CPNE4: variants seen among roughly 807,000 people sequenced by gnomAD.
The protein encoded by CPNE4 is copine-4.
A neutral mutation model predicts 67.9 loss-of-function variants in CPNE4; 25 were observed. The observed-to-expected ratio is 0.37, with a 90% CI of 0.27 to 0.51. The LOEUF (loss-of-function observed/expected upper bound fraction) is 0.51, where lower values mean the gene tolerates loss of function less well. Among genes scored for constraint, CPNE4 ranks in the 20% least tolerant of loss-of-function variants. CPNE4 has a pLI of 0.93. For missense variants in CPNE4, 464 were observed against 690.8 expected (o/e 0.67, Z 3.68); for synonymous variants, 242 against 244.9 (o/e 0.99, Z 0.11).
intron 2 of CPNE4, among the ~76,000 whole-genome samples, chr3:131,895,162 T>C (rs1233734823): frequency 6.6e-6 from 1 of 151,910 alleles, no homozygotes; most frequent in East Asian, 1.9e-4. Context: ...TTTAAGAAAG[T>C]TGGTATCATA....
chr3:131,716,263 T>C (rs1012051507), intron 3 of CPNE4, among the ~76,000 whole-genome samples: 3 of 152,086 alleles, frequency 2.0e-5, no homozygotes, highest in African/African-American at 7.2e-5. Flanking sequence ...ACTCTGAATG[T>C]GTGAGTTCCT....
At chr3:131,848,956 CA>C (rs67407668) in intron 2 of CPNE4, among the ~76,000 whole-genome samples, 1,207 of 79,452 alleles carry the variant, frequency 0.015, 10 homozygotes, top group African/African-American at 0.065. Context: ...GTAGTGATTA[CA>C]AAAAAAAAAA....
chr3:131,727,472 A>G (rs376902484), intron 2 of CPNE4, among the ~76,000 whole-genome samples: 1 of 130,100 alleles, frequency 7.7e-6, no homozygotes, highest in Non-Finnish European at 1.7e-5. Flanking sequence ...CTCAAAAAAA[A>G]GAAAAAAAAA....
At chr3:131,619,458 C>A (rs908589387) in intron 7 of CPNE4, among the ~76,000 whole-genome samples, 3 of 152,000 alleles carry the variant, frequency 2.0e-5, no homozygotes, top group African/African-American at 7.3e-5. Flanking sequence ...ACATGAAGGG[C>A]GGTAAGAGAA....
intron 2 of CPNE4, among the ~76,000 whole-genome samples, chr3:131,755,256 G>A (rs1046084222): frequency 6.6e-6 from 1 of 150,652 alleles, no homozygotes; most frequent in Non-Finnish European, 1.5e-5. Flanking sequence ...TAAGGGAGCT[G>A]TGAGTACATA....
intron 2 of CPNE4, among the ~76,000 whole-genome samples, chr3:131,817,162 C>G (rs547969137): frequency 2.4e-3 from 359 of 151,980 alleles, no homozygotes; most frequent in Admixed American, 5.4e-3. Context: ...AGGTCACAAG[C>G]ACTATGGAAA....
intron 2 of CPNE4, among the ~76,000 whole-genome samples, chr3:131,804,027 C>A (rs2084222888): frequency 6.6e-6 from 1 of 152,142 alleles, no homozygotes; most frequent in African/African-American, 2.4e-5. Flanking sequence ...CTATAAATAT[C>A]TAGAGTCAAT....
intron 1 of CPNE4, among the ~76,000 whole-genome samples, chr3:132,006,662 T>TTTTG (rs1553828963): frequency 4.6e-5 from 7 of 151,944 alleles, no homozygotes; most frequent in South Asian, 2.1e-4. Flanking sequence ...TCCATTTTTT[T>TTTTG]TTGTTGTTGT....
intron 14 of CPNE4, 147 bp from the exon 15 acceptor site, chr3:131,542,940 G>A (rs1336034705): frequency 1.6e-6 from 1 of 619,702 alleles, no homozygotes; most frequent in Non-Finnish European, 2.9e-6. Context: ...TGTGCTGATA[G>A]TCCTAAAGGC....
At chr3:131,921,655 T>A (rs924334393) in intron 1 of CPNE4, among the ~76,000 whole-genome samples, 8 of 152,182 alleles carry the variant, frequency 5.3e-5, no homozygotes, top group Non-Finnish European at 1.2e-4. Flanking sequence ...ATCTGCAGAA[T>A]AGAACTAATA....
chr3:131,723,982 G>A (rs2081947630), intron 2 of CPNE4, among the ~76,000 whole-genome samples: 1 of 152,104 alleles, frequency 6.6e-6, no homozygotes, highest in Admixed American at 6.5e-5. Flanking sequence ...AAATTTTTGA[G>A]TACACTGGGT....
chr3:131,656,536 CATCCATCTATCTATCA>C (rs2079972950), intron 7 of CPNE4, among the ~76,000 whole-genome samples: 1 of 152,116 alleles, frequency 6.6e-6, no homozygotes, highest in Non-Finnish European at 1.5e-5. Context: ...TGTATATATC[CATCCATCTATCTATCA>C]ATCCATCTAT....
chr3:131,922,318 G>C (rs569571507), intron 1 of CPNE4, among the ~76,000 whole-genome samples: 2 of 152,100 alleles, frequency 1.3e-5, no homozygotes, highest in African/African-American at 2.4e-5. Flanking sequence ...TATCCAATCC[G>C]CTGTTGATGG....
At chr3:131,736,667 G>C (rs1362835100) in intron 2 of CPNE4, among the ~76,000 whole-genome samples, 1 of 148,744 alleles carries the variant, frequency 6.7e-6, no homozygotes, top group Admixed American at 6.7e-5. Flanking sequence ...TTGAGAGAAA[G>C]CATGGTGGGG....
At chr3:131,623,064 G>T (rs768760484) in intron 7 of CPNE4, among the ~76,000 whole-genome samples, 3 of 152,178 alleles carry the variant, frequency 2.0e-5, no homozygotes, top group Non-Finnish European at 2.9e-5. Context: ...TACAAGGACA[G>T]AGGAGGGGCC....
In CPNE4 at chr3:131,637,348, C is replaced by A. The variant is rs2079416631; in HGVS notation, c.681+32327G>T. The stretch of plus-strand genomic sequence containing the variant: ...TGAAATAGATAGCATAAATAGAAAA[C>A]AACCACAACTTCTGGAAATCAATGA... On this transcript the variant is annotated intron_variant, in intron 7 of 15. Coordinates refer to ENST00000429747, the MANE Select transcript of CPNE4 (RefSeq NM_130808.3). 2.0e-5 allele frequency among the ~76,000 whole-genome samples: 3 copies of A among 152,052 alleles called. No homozygotes were observed. In the South Asian group the frequency reaches 6.2e-4, roughly 31 times the overall value.
At chr3:131,794,565 T>C (rs983816101) in intron 2 of CPNE4, among the ~76,000 whole-genome samples, 1 of 152,180 alleles carries the variant, frequency 6.6e-6, no homozygotes, top group African/African-American at 2.4e-5. Flanking sequence ...TCTAGGGATG[T>C]GGTTGACTTT....
At chr3:131,769,935 C>T (rs1278672035) in intron 2 of CPNE4, among the ~76,000 whole-genome samples, 1 of 152,108 alleles carries the variant, frequency 6.6e-6, no homozygotes, top group Non-Finnish European at 1.5e-5. Flanking sequence ...AATTTATTCT[C>T]AGAATTAAAC....
At chr3:131,897,958 A>T (rs1374449805) in intron 2 of CPNE4, among the ~76,000 whole-genome samples, 1 of 152,060 alleles carries the variant, frequency 6.6e-6, no homozygotes, top group Non-Finnish European at 1.5e-5. Flanking sequence ...TTTGCAAGAT[A>T]GTTTTGATAA....
Sources: allele counts gnomAD v4.1 joint callset (sites outside exome capture counted in the v4.1 genomes callset), GRCh38; gene constraint gnomAD v4.1.1; transcripts MANE v1.5; gene names NCBI Gene and HGNC (gene_info 2026-07-23, HGNC 2026-07-21).